LACTB: variants seen among roughly 807,000 people sequenced by gnomAD.
LACTB encodes serine beta-lactamase-like protein LACTB, mitochondrial.
A neutral mutation model predicts 50.2 loss-of-function variants in LACTB; 35 were observed. That is an observed-to-expected ratio of 0.70 (90% confidence interval 0.53 to 0.92). The LOEUF (loss-of-function observed/expected upper bound fraction) is 0.92, where lower values mean the gene tolerates loss of function less well. LACTB is among the 40% of genes least tolerant of loss of function. The pLI, the probability that LACTB is intolerant of heterozygous loss-of-function variation, is 0.00. For synonymous variants in LACTB, 252 were observed against 268.2 expected (o/e 0.94, Z 0.59); for missense variants, 664 against 691.8 (o/e 0.96, Z 0.45).
chr15:63,124,395 C>T (rs1476116514), intron 2 of LACTB, among the ~76,000 whole-genome samples: 1 of 152,178 alleles, frequency 6.6e-6, no homozygotes, highest in Non-Finnish European at 1.5e-5. Flanking sequence ...CTCGTGTCCT[C>T]GGTCTCTTGC....
chr15:63,141,637 C>T lies in LACTB; in HGVS notation c.1476C>T (p.Ala492=). 1.2e-6 allele frequency: 2 copies of T among 1,614,178 alleles called. No individual in the cohort carries two copies. Among genetic ancestry groups the T allele is most frequent in the Non-Finnish European group, 1.7e-6 (2 of 1,180,040 alleles). Residue 492 remains alanine, a synonymous_variant, in exon 6 of 6, where the codon GCC becomes GCT. Coordinates refer to ENST00000261893, the MANE Select transcript of LACTB (RefSeq NM_032857.5). ...CACATACTGGAGGGGCAGTGGGTGCCAGTAGTGTCCTGCTGGTCCTTCCTG... is the reference window on the plus strand; with the variant it reads ...CACATACTGGAGGGGCAGTGGGTGCTAGTAGTGTCCTGCTGGTCCTTCCTG... ...YASHTGGAVG[A]SSVLLVLPEE...
At chr15:63,139,043 CAAA>C (rs11413822) in intron 5 of LACTB, among the ~76,000 whole-genome samples, 10 of 71,338 alleles carry the variant, frequency 1.4e-4, no homozygotes, top group Admixed American at 1.7e-4. Context: ...GACTCTGTTT[CAAA>C]AAAAAAAAAA....
chr15:63,139,486 C>G (rs1008287260), intron 5 of LACTB, among the ~76,000 whole-genome samples: 14 of 151,856 alleles, frequency 9.2e-5, no homozygotes, highest in Non-Finnish European at 2.1e-4. Context: ...AACCCCACCT[C>G]TACTAAAAAT....
chr15:63,127,209 A>C, intron 3 of LACTB, 144 bp from the exon 4 acceptor site: 1 of 941,328 alleles, frequency 1.1e-6, no homozygotes, highest in Non-Finnish European at 1.6e-6. Context: ...TATTTTTCTG[A>C]AATTTGAGGC....
At chr15:63,128,698 G>A (rs142815762) in intron 4 of LACTB, among the ~76,000 whole-genome samples, 139 of 152,182 alleles carry the variant, frequency 9.1e-4, no homozygotes, top group African/African-American at 3.2e-3. Flanking sequence ...ATTCAAATAT[G>A]TATTTGAAAC....
Position 63,122,098 on chromosome 15 carries a change from C to G in LACTB, c.227C>G (p.Ala76Gly). ...AQSPAAPDPE[A>G]SPLAEPPQEQ... ...TCCCCCGCGGCCCCCGACCCTGAGG[C>G]GTCGCCTCTGGCCGAGCCGCCACAG... The change falls in exon 1 of 6, where the codon GCG (alanine) becomes GGG (glycine). Residue 76 changes from alanine (A) to glycine (G), a missense_variant. Coordinates refer to ENST00000261893, the MANE Select transcript of LACTB (RefSeq NM_032857.5). 6.8e-7 allele frequency: 1 copy of G among 1,471,852 alleles called. No individual in the cohort carries two copies. The highest frequency in any genetic ancestry group is 8.9e-7 in the Non-Finnish European group (1 of 1,119,818). 91.2% of individuals were successfully genotyped at this position (1,471,852 alleles called of 1,614,324 possible).
At chr15:63,130,824 A>G (rs2037122929) in intron 5 of LACTB, 1 of 152,192 alleles carries the variant, frequency 6.6e-6, no homozygotes, top group Non-Finnish European at 1.5e-5. Context: ...ATTAACAAGT[A>G]TATTTGGAGG....
chr15:63,123,729 A>G (rs2037009942), intron 2 of LACTB, among the ~76,000 whole-genome samples: 1 of 152,234 alleles, frequency 6.6e-6, no homozygotes, highest in South Asian at 2.1e-4. Context: ...CGAGGCAGAG[A>G]GGGAGAGGAG....
intron 4 of LACTB, among the ~76,000 whole-genome samples, chr15:63,128,022 A>G (rs2037077240): frequency 6.6e-6 from 1 of 152,242 alleles, no homozygotes; most frequent in African/African-American, 2.4e-5. Context: ...ATATTTTAGT[A>G]TTTAGTTAGA....
intron 5 of LACTB, among the ~76,000 whole-genome samples, chr15:63,135,842 C>T (rs2037171113): frequency 2.0e-5 from 3 of 152,234 alleles, no homozygotes; most frequent in South Asian, 2.1e-4. Context: ...TGAAAATGGA[C>T]GTCTAGCTCT....
chr15:63,123,083 T>C (rs2036999602), intron 2 of LACTB, among the ~76,000 whole-genome samples: 1 of 152,220 alleles, frequency 6.6e-6, no homozygotes, highest in South Asian at 2.1e-4. Flanking sequence ...ATATCTATGA[T>C]AAAGTTTATA....
At chr15:63,138,514 G>C (rs2037195706) in intron 5 of LACTB, among the ~76,000 whole-genome samples, 1 of 151,998 alleles carries the variant, frequency 6.6e-6, no homozygotes, top group Non-Finnish European at 1.5e-5. Context: ...AAATGTTCTA[G>C]GAATTTGAAA....
rs759901776 is a variant in LACTB, at chr15:63,121,910, C to A, written c.39C>A (p.Ala13=). The A allele has an allele frequency of 1.4e-6, 2 of 1,419,422 alleles. No individual in the cohort carries two copies. Among genetic ancestry groups the A allele is most frequent in the Admixed American group, 2.7e-5 (1 of 36,548 alleles). 87.9% of individuals were successfully genotyped at this position (1,419,422 alleles called of 1,614,324 possible). A position where few individuals can be genotyped will look rare whatever the true frequency, so the allele number is the denominator to read the frequency against. Residue 13 remains alanine, a synonymous_variant, in exon 1 of 6, where the codon GCC becomes GCA. Transcript: ENST00000261893. ...RLMSAVTARA[A]APGGLASSCG... Reference sequence around the variant, plus strand: ...TGTCAGCAGTGACTGCCCGGGCTGCCGCCCCCGGGGGCTTGGCCTCAAGCT... The same window carrying A: ...TGTCAGCAGTGACTGCCCGGGCTGCAGCCCCCGGGGGCTTGGCCTCAAGCT...
intron 5 of LACTB, among the ~76,000 whole-genome samples, chr15:63,138,193 G>T (rs1335632247): frequency 1.3e-5 from 2 of 152,212 alleles, no homozygotes. Flanking sequence ...AGGCAAGGTT[G>T]TGTGTGCCTG....
At chr15:63,126,823 C>A (rs1014069794) in intron 2 of LACTB, 36 bp from the exon 3 acceptor site, 2 of 1,353,902 alleles carry the variant, frequency 1.5e-6, no homozygotes, top group Non-Finnish European at 2.0e-6. Context: ...ACCATGAAGC[C>A]TGTTAATAGT....
Position 63,127,673 on chromosome 15 carries a change from T to A in LACTB, c.936T>A (p.Pro312=). 1.9e-6 allele frequency: 3 copies of A among 1,591,136 alleles called. No homozygotes were observed. Among genetic ancestry groups the A allele is most frequent in the Non-Finnish European group, 2.6e-6 (3 of 1,164,586 alleles). ...CCCTAAGATTATTTAAAAATGATCC[T>A]TTGTTCTTCAAACCTGGTGAGTGTT... ...IESLRLFKND[P]LFFKPGSQFL... The change falls in exon 4 of 6, where the codon CCT becomes CCA. Residue 312 remains proline (P), a synonymous_variant. Transcript: ENST00000261893.
rs1241274331 is a variant in LACTB, at chr15:63,136,689, G to C, written c.1119-4591G>C. 2.6e-5 allele frequency among the ~76,000 whole-genome samples: 4 copies of C among 151,980 alleles called. No homozygotes were observed. The East Asian group carries it at 7.7e-4, about 29-fold the overall frequency. ...GCACCAGCTTTTTGGGGGAGTTCAG[G>C]GAGTAAAAGGAATCTCTTCAAAGAT... On this transcript the variant is annotated intron_variant, in intron 5 of 5. Coordinates refer to ENST00000261893, the MANE Select transcript of LACTB (RefSeq NM_032857.5).
rs1310337345 is a variant in LACTB at position 63,141,479 on chromosome 15, A to G, written c.1318A>G (p.Met440Val). ...ACCTGGATACCTCAAACCAGAAACAATGGTTATGATGTGGACCCCAGTCCC... is the reference window on the plus strand; with the variant it reads ...ACCTGGATACCTCAAACCAGAAACAGTGGTTATGATGTGGACCCCAGTCCC... ...LLPGYLKPET[M>V]VMMWTPVPNT... The change falls in exon 6 of 6, where the codon ATG becomes GTG. Residue 440 changes from methionine to valine, a missense_variant. Met to Val is a conservative substitution (Grantham distance 21). Transcript: ENST00000261893. The G allele has an allele frequency of 6.2e-7, 1 of 1,614,188 alleles. No individual in the cohort carries two copies. Among genetic ancestry groups the G allele is most frequent in the Non-Finnish European group, 8.5e-7 (1 of 1,180,004 alleles).
At chr15:63,128,782 C>CA (rs2037090918) in intron 4 of LACTB, among the ~76,000 whole-genome samples, 1 of 152,018 alleles carries the variant, frequency 6.6e-6, no homozygotes, top group East Asian at 1.9e-4. Flanking sequence ...CTGGCCCTGT[C>CA]ACCCAGGCTG....
Sources: allele counts gnomAD v4.1 joint callset (sites outside exome capture counted in the v4.1 genomes callset), GRCh38; gene constraint gnomAD v4.1.1; transcripts MANE v1.5; gene names NCBI Gene and HGNC (gene_info 2026-07-23, HGNC 2026-07-21).